EIF3H: variants seen among roughly 807,000 people sequenced by gnomAD.
The protein encoded by EIF3H is eIF-3-gamma.
In EIF3H, 26 loss-of-function variants were observed where a neutral mutation model predicts 44.2. The ratio of observed to expected loss-of-function variants is 0.59; its 90% CI spans 0.43 to 0.82. The LOEUF (loss-of-function observed/expected upper bound fraction) is 0.82. Ranked by LOEUF, EIF3H falls within the 40% of genes least tolerant of loss-of-function variation. EIF3H has a pLI of 0.00. For missense variants in EIF3H, 359 were observed against 432.8 expected (o/e 0.83, Z 1.51); for synonymous variants, 166 against 151.9 (o/e 1.09, Z -0.68).
chr8:116,748,169 AC>A lies in EIF3H; in HGVS notation c.132+7496del, dbSNP rs550004843. 1.5e-3 allele frequency among the ~76,000 whole-genome samples: 230 copies of A among 151,692 alleles called. 1 individual carries two copies. The highest frequency in any genetic ancestry group is 6.9e-3 in the Middle Eastern group (2 of 290). On this transcript the variant is annotated intron_variant, in intron 1 of 7. Transcript: ENST00000521861. ...CTCTGTCTCAAAAACAAAAAAAAAA[AC>A]AAAAACAAAACAAAACAAAATAAAA...
intron 1 of EIF3H, among the ~76,000 whole-genome samples, chr8:116,734,780 A>G (rs1250148770): frequency 6.6e-6 from 1 of 152,118 alleles, no homozygotes; most frequent in African/African-American, 2.4e-5. Flanking sequence ...GGCTGGTCTC[A>G]CACTCCTGGC....
chr8:116,674,102 C>T (rs1215856458), intron 2 of EIF3H, among the ~76,000 whole-genome samples: 1 of 134,324 alleles, frequency 7.4e-6, no homozygotes, highest in East Asian at 2.2e-4. Flanking sequence ...AAAAGATGAA[C>T]ACTTAAAGGT....
At chr8:116,703,935 G>A (rs1225193753) in intron 2 of EIF3H, among the ~76,000 whole-genome samples, 5 of 152,230 alleles carry the variant, frequency 3.3e-5, no homozygotes, top group East Asian at 1.9e-4. Flanking sequence ...GTGCTCCTAT[G>A]AGAATCTAAT....
intron 2 of EIF3H, among the ~76,000 whole-genome samples, chr8:116,693,882 G>C (rs1287989600): frequency 6.6e-6 from 1 of 152,040 alleles, no homozygotes; most frequent in Non-Finnish European, 1.5e-5. Flanking sequence ...ACCCAGGCCG[G>C]CCTTGAGCTT....
At chr8:116,651,230 G>T (rs1450695160) in intron 5 of EIF3H, among the ~76,000 whole-genome samples, 1 of 151,072 alleles carries the variant, frequency 6.6e-6, no homozygotes, top group East Asian at 2.1e-4. Flanking sequence ...ACTTGAACTA[G>T]GATGGTGGCA....
chr8:116,759,958 T>A (rs1815502081), upstream of EIF3H, among the ~76,000 whole-genome samples: 1 of 152,206 alleles, frequency 6.6e-6, no homozygotes, highest in Non-Finnish European at 1.5e-5. Flanking sequence ...CTCGAACTCC[T>A]GGGCTCAAGT....
At chr8:116,694,346 A>C (rs141228328) in intron 2 of EIF3H, among the ~76,000 whole-genome samples, 1 of 152,178 alleles carries the variant, frequency 6.6e-6, no homozygotes, top group Non-Finnish European at 1.5e-5. Context: ...CATTTCTTTC[A>C]TTATGAATAA....
intron 1 of EIF3H, among the ~76,000 whole-genome samples, chr8:116,744,214 T>TA (rs66854303): frequency 0.45 from 63,747 of 141,138 alleles, 17,796 homozygotes; most frequent in Non-Finnish European, 0.63. Flanking sequence ...TAGAAAGTAT[T>TA]AAAAAAAAAA....
intron 1 of EIF3H, among the ~76,000 whole-genome samples, chr8:116,739,447 G>A (rs1255862064): frequency 2.0e-5 from 3 of 152,158 alleles, no homozygotes; most frequent in Non-Finnish European, 4.4e-5. Context: ...TCAGGAGATC[G>A]AGACCATCCT....
intron 1 of EIF3H, among the ~76,000 whole-genome samples, chr8:116,736,475 C>T (rs1030509784): frequency 6.6e-6 from 1 of 152,174 alleles, no homozygotes; most frequent in Non-Finnish European, 1.5e-5. Context: ...TCCTGACTAA[C>T]ACGGTGAAAC....
intron 2 of EIF3H, among the ~76,000 whole-genome samples, chr8:116,721,934 G>A (rs1186500413): frequency 6.6e-6 from 1 of 152,198 alleles, no homozygotes; most frequent in Admixed American, 6.5e-5. Flanking sequence ...TGAGACTTTT[G>A]ACTGTGGACT....
At chr8:116,720,044 C>A (rs945408311) in intron 2 of EIF3H, among the ~76,000 whole-genome samples, 3 of 152,066 alleles carry the variant, frequency 2.0e-5, no homozygotes, top group Non-Finnish European at 4.4e-5. Context: ...TTATTTATGT[C>A]ACTAAACATC....
At chr8:116,751,729 A>G (rs891444255) in intron 1 of EIF3H, among the ~76,000 whole-genome samples, 6 of 152,266 alleles carry the variant, frequency 3.9e-5, no homozygotes, top group African/African-American at 1.4e-4. Context: ...AGAATACCTT[A>G]AAGAATACTA....
intron 7 of EIF3H, among the ~76,000 whole-genome samples, chr8:116,645,417 G>A (rs1274732956): frequency 6.6e-6 from 1 of 152,212 alleles, no homozygotes; most frequent in Non-Finnish European, 1.5e-5. Context: ...AAACAGCGCT[G>A]ACTAGCCTTC....
chr8:116,754,567 C>T (rs892657621), intron 1 of EIF3H, among the ~76,000 whole-genome samples: 5 of 152,204 alleles, frequency 3.3e-5, no homozygotes, highest in Admixed American at 6.5e-5. Flanking sequence ...CAGGTCACCA[C>T]ATAAACTTTT....
intron 2 of EIF3H, among the ~76,000 whole-genome samples, chr8:116,691,968 C>CTGTTTA (rs1814184182): frequency 2.6e-5 from 4 of 152,062 alleles, no homozygotes; most frequent in Non-Finnish European, 5.9e-5. Context: ...GTTATTCCTC[C>CTGTTTA]TGGAACAGAA....
At position 116,709,102 on chromosome 8, in the gene EIF3H, G is replaced by A. The variant is rs115797669; in HGVS notation, c.289+16914C>T. ...AATAGACAAGCCTTGAAATAATACT[G>A]TGATCAAAGTATCAAGCAGCCTAAT... On this transcript the variant is annotated intron_variant, in intron 2 of 7. Coordinates refer to ENST00000521861, the MANE Select transcript of EIF3H (RefSeq NM_003756.3). Among the ~76,000 whole-genome samples the A allele has an allele frequency of 8.2e-3, 1,241 of 152,074 alleles. 19 individuals are homozygous for A. The highest frequency in any genetic ancestry group is 0.028 in the African/African-American group (1,180 of 41,492).
chr8:116,714,732 T>C (rs780852570), intron 2 of EIF3H, among the ~76,000 whole-genome samples: 6 of 152,054 alleles, frequency 3.9e-5, no homozygotes, highest in Non-Finnish European at 8.8e-5. Flanking sequence ...AAGAGAGTTT[T>C]GAAAAAATCT....
At chr8:116,756,084 A>G, upstream of EIF3H, 7 of 1,317,628 alleles carry the variant, frequency 5.3e-6, no homozygotes, top group Admixed American at 6.0e-5. Context: ...TCATAATAGC[A>G]TTACAGTTCG....
Sources: gnomAD v4.1 joint callset for allele counts (sites outside exome capture counted in the v4.1 genomes callset) on GRCh38, gnomAD v4.1.1 for gene constraint, MANE v1.5 for transcripts, NCBI Gene and HGNC (gene_info 2026-07-23, HGNC 2026-07-21) for gene names.